Variants in ARHGEF28 observed in about 807,000 individuals in gnomAD.
The protein encoded by ARHGEF28 is 190 kDa guanine nucleotide exchange factor.
In ARHGEF28, 152 loss-of-function variants were observed where a neutral mutation model predicts 206.6. The ratio of observed to expected loss-of-function variants is 0.74; its 90% CI spans 0.64 to 0.84. The LOEUF is 0.84. ARHGEF28 is among the 40% of genes least tolerant of loss of function. The pLI, the probability that ARHGEF28 is intolerant of heterozygous loss-of-function variation, is 0.00. For synonymous variants in ARHGEF28, 763 were observed against 776.4 expected (o/e 0.98, Z 0.29); for missense variants, 2,028 against 2,073.2 (o/e 0.98, Z 0.42).
intron 21 of ARHGEF28, among the ~76,000 whole-genome samples, chr5:73,870,604 A>G (rs535978081): frequency 1.3e-5 from 2 of 152,324 alleles, no homozygotes; most frequent in Non-Finnish European, 2.9e-5. Context: ...ATTTTAATGT[A>G]GGGCTATTGC....
rs192322715 is a variant in ARHGEF28, at chr5:73,928,751, G to A, written c.4949-12093G>A. On this transcript the variant is annotated intron_variant, in intron 35 of 35. Coordinates refer to ENST00000513042, the MANE Select transcript of ARHGEF28 (RefSeq NM_001177693.2). ...GAGAGGCATAACTCTTTTAGTGTGG[G>A]TAGGGTTGTGAGGCAGGCCGCTCCC... 1.4e-3 allele frequency among the ~76,000 whole-genome samples: 206 copies of A among 152,274 alleles called. 1 individual carries two copies. Among genetic ancestry groups the A allele is most frequent in the Middle Eastern group, 6.8e-3 (2 of 294 alleles).
At chr5:73,813,871 C>G (rs1756007880) in intron 9 of ARHGEF28, among the ~76,000 whole-genome samples, 1 of 149,824 alleles carries the variant, frequency 6.7e-6, no homozygotes, top group East Asian at 2.0e-4. Context: ...CACTTTGAAT[C>G]TACCTACCTT....
At chr5:73,838,258 CTT>C (rs35780275) in intron 10 of ARHGEF28, among the ~76,000 whole-genome samples, 29 of 151,626 alleles carry the variant, frequency 1.9e-4, no homozygotes, top group African/African-American at 5.6e-4. Context: ...TAGCATAGTA[CTT>C]TTTTTTTTAT....
intron 2 of ARHGEF28, among the ~76,000 whole-genome samples, chr5:73,694,714 G>A (rs535271784): frequency 6.6e-6 from 1 of 152,322 alleles, no homozygotes; most frequent in South Asian, 2.1e-4. Flanking sequence ...TCTAGCTCTT[G>A]CCTTCTTTTC....
intron 10 of ARHGEF28, among the ~76,000 whole-genome samples, chr5:73,836,174 A>C (rs1757620781): frequency 6.6e-6 from 1 of 151,902 alleles, no homozygotes; most frequent in Non-Finnish European, 1.5e-5. Flanking sequence ...CAGTGGTGGG[A>C]TTGCTGGATC....
In ARHGEF28 at chr5:73,920,560, T is replaced by TC. The variant is rs1314741350; in HGVS notation, c.4948+8985_4948+8986insC. ...CGTCATCTAGGTTTTTTTTTTTTTT[T>TC]TTTTTTTGAGACGGAGTCTCACTCT... is the stretch of plus-strand genomic sequence containing the variant. On this transcript the variant is annotated intron_variant, in intron 35 of 35. Coordinates refer to ENST00000513042, the MANE Select transcript of ARHGEF28 (RefSeq NM_001177693.2). 8.1e-5 allele frequency among the ~76,000 whole-genome samples: 12 copies of TC among 147,332 alleles called. No individual in the cohort carries two copies. The South Asian group carries it at 1.6e-3, about 19-fold the overall frequency.
intron 4 of ARHGEF28, among the ~76,000 whole-genome samples, chr5:73,754,847 T>G (rs1752213827): frequency 6.6e-6 from 1 of 151,856 alleles, no homozygotes; most frequent in Admixed American, 6.6e-5. Flanking sequence ...TAGGTGTATG[T>G]CACATGCCTG....
chr5:73,788,379 A>G (rs1191652540), intron 7 of ARHGEF28, among the ~76,000 whole-genome samples: 2 of 152,160 alleles, frequency 1.3e-5, no homozygotes, highest in African/African-American at 2.4e-5. Flanking sequence ...AGGGGCACCA[A>G]TCCCCTGCAC....
chr5:73,742,133 CT>C (rs1290260903), intron 2 of ARHGEF28, among the ~76,000 whole-genome samples: 1 of 151,974 alleles, frequency 6.6e-6, no homozygotes, highest in Non-Finnish European at 1.5e-5. Context: ...TTTGTGCTAG[CT>C]TTTTCTTGGT....
chr5:73,665,253 T>C (rs551998281), intron 1 of ARHGEF28, among the ~76,000 whole-genome samples: 30 of 152,326 alleles, frequency 2.0e-4, no homozygotes, highest in African/African-American at 5.1e-4. Flanking sequence ...TTCACAATAC[T>C]TAGTAAAACA....
intron 2 of ARHGEF28, among the ~76,000 whole-genome samples, chr5:73,731,010 C>G (rs1402468445): frequency 9.6e-6 from 1 of 103,686 alleles, no homozygotes. Context: ...TGCCTTTAAG[C>G]TAAAAAAAAA....
At chr5:73,841,378 T>C (rs554453073) in intron 11 of ARHGEF28, among the ~76,000 whole-genome samples, 1 of 152,268 alleles carries the variant, frequency 6.6e-6, no homozygotes, top group East Asian at 1.9e-4. Flanking sequence ...AAATATATTA[T>C]TATAGGGCAC....
intron 9 of ARHGEF28, among the ~76,000 whole-genome samples, chr5:73,805,307 G>A (rs1180649984): frequency 2.0e-5 from 3 of 152,102 alleles, no homozygotes; most frequent in Non-Finnish European, 2.9e-5. Context: ...AAACCTTAAT[G>A]TATGCAAATT....
intron 2 of ARHGEF28, among the ~76,000 whole-genome samples, chr5:73,727,069 A>G (rs1421541959): frequency 6.6e-6 from 1 of 152,088 alleles, no homozygotes; most frequent in Non-Finnish European, 1.5e-5. Context: ...TCCTCTGCAA[A>G]TATTTTTCTT....
intron 4 of ARHGEF28, among the ~76,000 whole-genome samples, chr5:73,761,804 C>T (rs1262004440): frequency 6.6e-6 from 1 of 152,010 alleles, no homozygotes; most frequent in Non-Finnish European, 1.5e-5. Flanking sequence ...GGATGTGAGC[C>T]TGGGTCCTTA....
At chr5:73,642,035 T>C (rs1744144418) in intron 1 of ARHGEF28, among the ~76,000 whole-genome samples, 1 of 152,194 alleles carries the variant, frequency 6.6e-6, no homozygotes, top group African/African-American at 2.4e-5. Flanking sequence ...ATCCCTAGTT[T>C]GTGGGGCTCT....
At chr5:73,816,975 G>T (rs868392522) in intron 9 of ARHGEF28, among the ~76,000 whole-genome samples, 3 of 151,638 alleles carry the variant, frequency 2.0e-5, no homozygotes, top group Non-Finnish European at 2.9e-5. Flanking sequence ...TTTTGTTTTT[G>T]TTTTTTTTAA....
intron 9 of ARHGEF28, among the ~76,000 whole-genome samples, chr5:73,806,267 A>C (rs951684551): frequency 2.9e-5 from 4 of 138,002 alleles, no homozygotes; most frequent in Admixed American, 7.4e-5. Flanking sequence ...TATAGTATAT[A>C]TAGATATATA....
Position 73,941,002 on chromosome 5 carries a change from G to A in ARHGEF28, c.5107G>A (p.Val1703Ile), listed in dbSNP as rs1433394873. 1 of 1,511,248 alleles carries A rather than the reference G, an allele frequency of 6.6e-7. No individual in the cohort carries two copies. The highest frequency in any genetic ancestry group is 8.8e-7 in the Non-Finnish European group (1 of 1,139,156). 93.6% of individuals were successfully genotyped at this position (1,511,248 alleles called of 1,614,324 possible). The change falls in exon 36 of 36, where the codon GTT becomes ATT. Residue 1703 changes from valine (V) to isoleucine (I), a missense_variant. Physicochemically the swap from Val to Ile is conservative, Grantham distance 29. Transcript: ENST00000513042. ...ETGDGAKENI[V>I]YL The stretch of plus-strand genomic sequence containing the variant: ...TGGAGATGGAGCCAAAGAAAATATT[G>A]TTTACCTCTAATTGTGTTGTCATTT...
Sources: gnomAD v4.1 joint callset for allele counts (sites outside exome capture counted in the v4.1 genomes callset) on GRCh38, gnomAD v4.1.1 for gene constraint, MANE v1.5 for transcripts, NCBI Gene and HGNC (gene_info 2026-07-23, HGNC 2026-07-21) for gene names.